The following DPP10 variants were observed in gnomAD, a reference collection of about 807,000 sequenced individuals.
The protein encoded by DPP10 is inactive dipeptidyl peptidase 10.
DPP10 carries 33 observed loss-of-function variants against 120.9 expected under a neutral mutation model. The observed-to-expected ratio is 0.27, with a 90% CI of 0.21 to 0.37. DPP10 has a LOEUF of 0.37. Ranked by LOEUF, DPP10 falls within the 10% of genes least tolerant of loss-of-function variation. The pLI, the probability that DPP10 is intolerant of heterozygous loss-of-function variation, is 1.00. For missense variants in DPP10, 816 were observed against 942.8 expected (o/e 0.87, Z 1.76); for synonymous variants, 337 against 326.1 (o/e 1.03, Z -0.36).
intron 19 of DPP10, among the ~76,000 whole-genome samples, chr2:115,801,138 A>G (rs1685184892): frequency 6.6e-6 from 1 of 151,844 alleles, no homozygotes; most frequent in African/African-American, 2.4e-5. Context: ...TTCTCCTTGA[A>G]GAGGTCCTTC....
intron 1 of DPP10, among the ~76,000 whole-genome samples, chr2:115,269,073 G>T (rs1212681067): frequency 6.6e-6 from 1 of 152,174 alleles, no homozygotes; most frequent in Non-Finnish European, 1.5e-5. Flanking sequence ...CTTGAACCCG[G>T]GAGGCAGAGT....
chr2:115,171,370 A>AAAAAG (rs1289814987), intron 1 of DPP10, among the ~76,000 whole-genome samples: 10 of 145,020 alleles, frequency 6.9e-5, no homozygotes, highest in South Asian at 2.1e-4. Context: ...AAAAAAAAAA[A>AAAAAG]AAAAGAAAAG....
intron 5 of DPP10, among the ~76,000 whole-genome samples, chr2:115,614,869 C>T (rs2084375510): frequency 6.6e-6 from 1 of 152,082 alleles, no homozygotes; most frequent in Non-Finnish European, 1.5e-5. Context: ...ATCCTGGATA[C>T]ACAGAAATAT....
chr2:114,666,819 G>C (rs1005739409), intron 1 of DPP10, among the ~76,000 whole-genome samples: 1 of 152,164 alleles, frequency 6.6e-6, no homozygotes, highest in African/African-American at 2.4e-5. Flanking sequence ...GTAGAAAAAG[G>C]CATATGATGG....
In DPP10 at chr2:115,798,768, A is replaced by G. The variant is rs544217186; in HGVS notation, c.1700+7412A>G. On this transcript the variant is annotated intron_variant, in intron 19 of 25. Transcript: ENST00000410059. ...TTATTAATATAGTAAAGTTTTAATCAACGTTTTGATTTGGAATCATTCAGT... is the reference window on the plus strand; with the variant it reads ...TTATTAATATAGTAAAGTTTTAATCGACGTTTTGATTTGGAATCATTCAGT... Among the ~76,000 whole-genome samples the G allele has an allele frequency of 1.5e-3, 223 of 152,300 alleles. 1 individual carries two copies. Among genetic ancestry groups the G allele is most frequent in the Middle Eastern group, 3.4e-3 (1 of 294 alleles).
chr2:115,840,318 G>GTTTTTTTTT (rs1559227733), intron 24 of DPP10, among the ~76,000 whole-genome samples: 47 of 31,880 alleles, frequency 1.5e-3, no homozygotes, highest in African/African-American at 4.2e-3. Flanking sequence ...AAGGTTTTTT[G>GTTTTTTTTT]GTTTTTTTTT....
intron 1 of DPP10, among the ~76,000 whole-genome samples, chr2:114,464,348 A>C (rs1248662774): frequency 2.0e-5 from 3 of 152,348 alleles, no homozygotes; most frequent in African/African-American, 7.2e-5. Flanking sequence ...ATGACAAATA[A>C]TGCTGAGTAT....
chr2:114,863,558 A>G (rs1222294093), intron 1 of DPP10, among the ~76,000 whole-genome samples: 1 of 152,134 alleles, frequency 6.6e-6, no homozygotes, highest in Non-Finnish European at 1.5e-5. Context: ...CTGACCAACA[A>G]TGATTGGTCT....
intron 1 of DPP10, among the ~76,000 whole-genome samples, chr2:115,170,122 T>C (rs2053208010): frequency 6.6e-6 from 1 of 152,208 alleles, no homozygotes; most frequent in Admixed American, 6.5e-5. Flanking sequence ...TAGGCCTTTC[T>C]TGTTATTGGA....
intron 1 of DPP10, among the ~76,000 whole-genome samples, chr2:114,596,598 C>A (rs918781912): frequency 6.6e-6 from 1 of 152,052 alleles, no homozygotes; most frequent in Non-Finnish European, 1.5e-5. Context: ...TGTAGTCATA[C>A]AAATACTAGC....
At position 115,060,937 on chromosome 2, in the gene DPP10, C is replaced by T. The variant is rs574791863; in HGVS notation, c.61-248302C>T. Among the ~76,000 whole-genome samples, 4 of 152,264 alleles carry T rather than the reference C, an allele frequency of 2.6e-5. No homozygotes were observed. In the South Asian group the frequency reaches 8.3e-4, roughly 32 times the overall value. ...CAAGCTTAGTATATTCACAATCATACATTTCATTGTCTCTCTGAGGGTCAA... is the reference window on the plus strand; with the variant it reads ...CAAGCTTAGTATATTCACAATCATATATTTCATTGTCTCTCTGAGGGTCAA... On this transcript the variant is annotated intron_variant, in intron 1 of 25. Coordinates refer to ENST00000410059, the MANE Select transcript of DPP10 (RefSeq NM_020868.6).
chr2:114,527,651 A>G (rs1034341889), intron 1 of DPP10, among the ~76,000 whole-genome samples: 1 of 152,162 alleles, frequency 6.6e-6, no homozygotes, highest in African/African-American at 2.4e-5. Context: ...AAGTATAGTT[A>G]TGCACCGTTT....
chr2:114,640,866 G>C (rs1695654946), intron 1 of DPP10, among the ~76,000 whole-genome samples: 1 of 151,880 alleles, frequency 6.6e-6, no homozygotes, highest in East Asian at 1.9e-4. Context: ...TGGAATGAGG[G>C]GAAGGAGGTT....
chr2:115,629,781 T>G (rs1057414841), intron 5 of DPP10, among the ~76,000 whole-genome samples: 1 of 152,186 alleles, frequency 6.6e-6, no homozygotes, highest in East Asian at 1.9e-4. Context: ...TTGGTACCAG[T>G]ACCATGCTGT....
At chr2:114,472,278 G>A (rs1219906943) in intron 1 of DPP10, among the ~76,000 whole-genome samples, 1 of 152,212 alleles carries the variant, frequency 6.6e-6, no homozygotes, top group East Asian at 1.9e-4. Flanking sequence ...CTGGGAATGA[G>A]AACTATTGCC....
chr2:115,633,527 A>G (rs2149325519), intron 5 of DPP10, among the ~76,000 whole-genome samples: 1 of 152,212 alleles, frequency 6.6e-6, no homozygotes, highest in East Asian at 1.9e-4. Flanking sequence ...ACATGTATAC[A>G]TATGTAACAA....
At chr2:114,759,756 A>G (rs1194568623) in intron 1 of DPP10, among the ~76,000 whole-genome samples, 1 of 137,818 alleles carries the variant, frequency 7.3e-6, no homozygotes, top group Non-Finnish European at 1.5e-5. Flanking sequence ...AGAATTCCCA[A>G]GTATATGCGA....
chr2:115,471,037 G>GT (rs1019394954), intron 3 of DPP10, among the ~76,000 whole-genome samples: 7 of 151,860 alleles, frequency 4.6e-5, no homozygotes, highest in East Asian at 3.9e-4. Context: ...TATCTTATGA[G>GT]TTTTTTTTGT....
At chr2:114,533,907 A>C (rs1573588185) in intron 1 of DPP10, among the ~76,000 whole-genome samples, 1 of 152,190 alleles carries the variant, frequency 6.6e-6, no homozygotes, top group African/African-American at 2.4e-5. Context: ...GGTCCTTTAC[A>C]TCTAAAAACT....
Sources: allele counts gnomAD v4.1 joint callset (sites outside exome capture counted in the v4.1 genomes callset), GRCh38; gene constraint gnomAD v4.1.1; transcripts MANE v1.5; gene names NCBI Gene and HGNC (gene_info 2026-07-23, HGNC 2026-07-21).